The following ARID2 variants were observed in gnomAD, a reference collection of about 807,000 sequenced individuals.
The protein encoded by ARID2 is AT-rich interaction domain 2.
A neutral mutation model predicts 184.6 loss-of-function variants in ARID2; 32 were observed. The ratio of observed to expected loss-of-function variants is 0.17; its 90% CI spans 0.13 to 0.23. The LOEUF is 0.23. Ranked by LOEUF, ARID2 falls within the 10% of genes least tolerant of loss-of-function variation. ARID2 has a pLI of 1.00. For synonymous variants in ARID2, 836 were observed against 772.6 expected (o/e 1.08, Z -1.36); for missense variants, 1,696 against 2,197.6 (o/e 0.77, Z 4.56).
At chr12:45,849,111 T>C in intron 13 of ARID2, 141 bp downstream of exon 13, 1 of 888,622 alleles carries the variant, frequency 1.1e-6, no homozygotes, top group Middle Eastern at 3.7e-4. Flanking sequence ...TATAGTGTGG[T>C]GGAGGTTTAA....
Position 45,905,181 on chromosome 12 carries a change from G to A in ARID2, c.*103G>A. The A allele has an allele frequency of 8.4e-7, 1 of 1,196,556 alleles. No homozygotes were observed. Among genetic ancestry groups the A allele is most frequent in the Non-Finnish European group, 1.1e-6 (1 of 886,042 alleles). The allele number at this position is 1,196,556 out of a possible 1,614,324, so 74.1% of individuals were successfully genotyped here. A position where few individuals can be genotyped will look rare whatever the true frequency, so the allele number is the denominator to read the frequency against. Reference sequence around the variant, plus strand: ...CTTAATGGAACAAAGACCATAGAATGAATTATTTTATCTCCTCCCATGATG... The same window carrying A: ...CTTAATGGAACAAAGACCATAGAATAAATTATTTTATCTCCTCCCATGATG... On this transcript the variant is annotated 3_prime_UTR_variant, in exon 21 of 21. Coordinates refer to ENST00000334344, the MANE Select transcript of ARID2 (RefSeq NM_152641.4).
intron 3 of ARID2, among the ~76,000 whole-genome samples, chr12:45,760,167 CTT>C (rs954769496): frequency 1.3e-5 from 2 of 151,958 alleles, no homozygotes; most frequent in Non-Finnish European, 2.9e-5. Flanking sequence ...TTAAAGCTCT[CTT>C]TTGGTTGTTG....
At chr12:45,799,700 A>G (rs1334930493) in intron 3 of ARID2, among the ~76,000 whole-genome samples, 1 of 152,224 alleles carries the variant, frequency 6.6e-6, no homozygotes, top group East Asian at 1.9e-4. Flanking sequence ...AGGCATTGCA[A>G]ATGTGTAAGT....
At chr12:45,887,364 GTTCCT>G (rs1270060068) in intron 16 of ARID2, among the ~76,000 whole-genome samples, 1 of 152,056 alleles carries the variant, frequency 6.6e-6, no homozygotes, top group Non-Finnish European at 1.5e-5. Flanking sequence ...ATAAATTCTG[GTTCCT>G]TTCTTTTGAA....
chr12:45,780,300 G>C (rs1409025438), intron 3 of ARID2, among the ~76,000 whole-genome samples: 2 of 152,054 alleles, frequency 1.3e-5, no homozygotes, highest in Non-Finnish European at 2.9e-5. Flanking sequence ...TAAAAACTTG[G>C]GATAAATGAC....
intron 3 of ARID2, among the ~76,000 whole-genome samples, chr12:45,786,139 T>C (rs1451674091): frequency 2.0e-5 from 3 of 152,222 alleles, no homozygotes; most frequent in African/African-American, 7.2e-5. Context: ...ATAAATATAA[T>C]TTTAACTGTA....
intron 3 of ARID2, among the ~76,000 whole-genome samples, chr12:45,738,778 A>ATTTTT (rs1941181199): frequency 2.0e-5 from 1 of 50,194 alleles, no homozygotes; most frequent in South Asian, 8.0e-4. Flanking sequence ...CATATGGGCT[A>ATTTTT]CTTTTTTTTT....
At chr12:45,846,827 T>C (rs765719650) in intron 11 of ARID2, 29 bp from the exon 12 acceptor site, 7 of 1,606,694 alleles carry the variant, frequency 4.4e-6, no homozygotes, top group Non-Finnish European at 6.0e-6. Context: ...TTTTAAGAAA[T>C]GATGTAGCTA....
chr12:45,846,437 C>A (rs1481092189), intron 11 of ARID2, among the ~76,000 whole-genome samples: 1 of 152,082 alleles, frequency 6.6e-6, no homozygotes, highest in African/African-American at 2.4e-5. Flanking sequence ...GCTCAACTTA[C>A]GTGTTGAACT....
intron 20 of ARID2, among the ~76,000 whole-genome samples, chr12:45,899,347 G>A (rs1387027777): frequency 1.4e-5 from 2 of 147,422 alleles, no homozygotes; most frequent in East Asian, 2.0e-4. Flanking sequence ...GCTCACACCT[G>A]TAATCCCAGC....
At chr12:45,789,277 A>G (rs1942249897) in intron 3 of ARID2, 1 of 152,174 alleles carries the variant, frequency 6.6e-6, no homozygotes, top group African/African-American at 2.4e-5. Context: ...CTGGTAGAAG[A>G]CTGTGGTGCA....
chr12:45,800,002 A>T lies in ARID2; in HGVS notation c.285-11416A>T, dbSNP rs918430581. On this transcript the variant is annotated intron_variant, in intron 3 of 20. Transcript: ENST00000334344. ...GTAGCTGGGACAACAGGTGTGTGCC[A>T]CCACACCTAGCCAATTTTTAAATTT... Among the ~76,000 whole-genome samples the T allele has an allele frequency of 4.6e-5, 7 of 152,206 alleles. No individual in the cohort carries two copies. In the East Asian group the frequency reaches 1.4e-3, roughly 29 times the overall value.
chr12:45,773,806 C>T (rs894515541), intron 3 of ARID2, among the ~76,000 whole-genome samples: 2 of 152,062 alleles, frequency 1.3e-5, no homozygotes, highest in African/African-American at 4.8e-5. Flanking sequence ...GGGAATTCTG[C>T]CAAACATTGA....
rs748418306 is a variant in ARID2 at position 45,817,785 on chromosome 12, C to T, written c.534C>T (p.Asn178=). ...GLPNEVDFAI[N]VCTLLSNESK... is the part of the protein sequence containing the mutation. ...CAAATGAAGTGGACTTTGCTATTAA[C>T]GTATGCACTCTCCTATCAAATGAAA... Residue 178 remains asparagine (N), a synonymous_variant, in exon 5 of 21, where the codon AAC becomes AAT. Coordinates refer to ENST00000334344, the MANE Select transcript of ARID2 (RefSeq NM_152641.4). 183 of 1,613,132 alleles carry T rather than the reference C, an allele frequency of 1.1e-4. No homozygotes were observed. Among genetic ancestry groups the T allele is most frequent in the Non-Finnish European group, 1.5e-4 (179 of 1,179,762 alleles).
At chr12:45,781,962 A>G (rs1444910032) in intron 3 of ARID2, among the ~76,000 whole-genome samples, 1 of 152,222 alleles carries the variant, frequency 6.6e-6, no homozygotes, top group African/African-American at 2.4e-5. Context: ...CTAGTACAAG[A>G]TAAAACTTGC....
intron 3 of ARID2, among the ~76,000 whole-genome samples, chr12:45,751,638 A>G (rs1264469639): frequency 6.6e-6 from 1 of 152,212 alleles, no homozygotes; most frequent in Non-Finnish European, 1.5e-5. Context: ...TCATTGTTTG[A>G]ACAACGTAGA....
intron 11 of ARID2, among the ~76,000 whole-genome samples, chr12:45,845,249 A>T (rs1236268008): frequency 6.6e-6 from 1 of 152,194 alleles, no homozygotes; most frequent in Non-Finnish European, 1.5e-5. Flanking sequence ...AGTAGAGATG[A>T]TAAAGGGAGG....
chr12:45,891,145 CAG>C (rs1944295440), intron 16 of ARID2, among the ~76,000 whole-genome samples: 1 of 145,876 alleles, frequency 6.9e-6, no homozygotes, highest in South Asian at 2.2e-4. Flanking sequence ...AGCCTGGCGA[CAG>C]AGCGAGACTC....
chr12:45,766,736 G>T (rs1445467541), intron 3 of ARID2, among the ~76,000 whole-genome samples: 1 of 151,982 alleles, frequency 6.6e-6, no homozygotes, highest in African/African-American at 2.4e-5. Context: ...GGATGGTCTC[G>T]ATCTCCTGAC....
Sources: allele counts gnomAD v4.1 joint callset (sites outside exome capture counted in the v4.1 genomes callset), GRCh38; gene constraint gnomAD v4.1.1; transcripts MANE v1.5; gene names NCBI Gene and HGNC (gene_info 2026-07-23, HGNC 2026-07-21).